PCGF3: variants seen among roughly 807,000 people sequenced by gnomAD.
The protein encoded by PCGF3 is polycomb group RING finger protein 3.
In PCGF3, 7 loss-of-function variants were observed where a neutral mutation model predicts 33.1. That is an observed-to-expected ratio of 0.21 (90% CI 0.12 to 0.40). PCGF3 has a LOEUF of 0.40. Among genes scored for constraint, PCGF3 ranks in the 10% least tolerant of loss-of-function variants. The pLI, the probability that PCGF3 is intolerant of heterozygous loss-of-function variation, is 1.00. For synonymous variants in PCGF3, 153 were observed against 121.3 expected (o/e 1.26, Z -1.72); for missense variants, 211 against 313.3 (o/e 0.67, Z 2.46).
At chr4:727,534 T>A (rs572177931) in intron 1 of PCGF3, among the ~76,000 whole-genome samples, 1 of 152,110 alleles carries the variant, frequency 6.6e-6, no homozygotes, top group African/African-American at 2.4e-5. Context: ...GCCACTATGC[T>A]TGGCTGAGTT....
exon 8 of PCGF3, chr4:744,616 CGACAGTTCAAACAAA>C: frequency 6.4e-7 from 1 of 1,558,462 alleles, no homozygotes; most frequent in African/African-American, 1.4e-5. Context: ...CCAAAGCAGA[CGACAGTTCAAACAAA>C]GAGGCCGCGG....
intron 9 of PCGF3, chr4:762,016 C>T (rs777885498): frequency 2.8e-5 from 28 of 985,160 alleles, no homozygotes; most frequent in South Asian, 1.4e-4. Flanking sequence ...GAGAGGCCAG[C>T]GCCAGGAGTT....
intron 1 of PCGF3, among the ~76,000 whole-genome samples, chr4:724,584 T>C (rs189835965): frequency 2.6e-5 from 4 of 152,324 alleles, no homozygotes; most frequent in African/African-American, 7.2e-5. Context: ...CCCAGCACTT[T>C]GGGAGGCCTA....
At chr4:743,823 T>TG (rs1209733873) in intron 7 of PCGF3, 5 of 420,236 alleles carry the variant, frequency 1.2e-5, no homozygotes, top group South Asian at 3.1e-5. Flanking sequence ...CGAGAGTGTC[T>TG]GGGGGGCAGA....
At chr4:733,497 G>A (rs1356453350) in intron 3 of PCGF3, among the ~76,000 whole-genome samples, 175 bp from the exon 4 acceptor site, 1 of 152,234 alleles carries the variant, frequency 6.6e-6, no homozygotes, top group Non-Finnish European at 1.5e-5. Flanking sequence ...GCAGACACTG[G>A]ATTGCTGACC....
chr4:717,536 C>T (rs978279868), intron 1 of PCGF3, among the ~76,000 whole-genome samples: 2 of 152,222 alleles, frequency 1.3e-5, no homozygotes, highest in Admixed American at 1.3e-4. Context: ...CTTCCCACCA[C>T]ACCCAGCTAA....
intron 9 of PCGF3, chr4:761,830 C>T: frequency 4.1e-6 from 4 of 985,382 alleles, no homozygotes; most frequent in Non-Finnish European, 4.8e-6. Context: ...AGCGGGCGCA[C>T]CATGAACATG....
exon 11 of PCGF3, chr4:769,333 G>A (rs1745519564): frequency 6.5e-6 from 1 of 152,680 alleles, no homozygotes; most frequent in African/African-American, 2.4e-5. Context: ...GGACGTTCTG[G>A]GTACAAGCCA....
At chr4:752,227 C>T (rs989042541) in intron 8 of PCGF3, among the ~76,000 whole-genome samples, 1 of 152,214 alleles carries the variant, frequency 6.6e-6, no homozygotes, top group Non-Finnish European at 1.5e-5. Context: ...GGTCCCTGGT[C>T]GTTCTTTCTC....
intron 8 of PCGF3, among the ~76,000 whole-genome samples, chr4:754,529 G>A (rs1744682242): frequency 6.6e-6 from 1 of 152,228 alleles, no homozygotes; most frequent in South Asian, 2.1e-4. Flanking sequence ...GCCTCTCCTG[G>A]ACTGTAGAGG....
chr4:709,657 A>G (rs1742481390), intron 1 of PCGF3, among the ~76,000 whole-genome samples: 1 of 152,270 alleles, frequency 6.6e-6, no homozygotes, highest in African/African-American at 2.4e-5. Context: ...CAGTACAATG[A>G]GGTGTAACCC....
chr4:758,506 G>C (rs1744884968), intron 8 of PCGF3, among the ~76,000 whole-genome samples: 1 of 124,960 alleles, frequency 8.0e-6, no homozygotes, highest in South Asian at 2.8e-4. Context: ...TCTCGCTCCG[G>C]ACTCTGGGTC....
intron 4 of PCGF3, 33 bp from the exon 5 acceptor site, chr4:734,898 C>A (rs372818520): frequency 5.6e-6 from 9 of 1,605,212 alleles, no homozygotes; most frequent in African/African-American, 2.7e-5. Flanking sequence ...TGGCTCTAGA[C>A]GCTCTCCTAA....
intron 4 of PCGF3, chr4:734,706 G>T: frequency 9.7e-6 from 13 of 1,341,672 alleles, no homozygotes; most frequent in Non-Finnish European, 1.2e-5. Flanking sequence ...TCCTAACCCT[G>T]CCTCTTTGAG....
At chr4:742,155 C>G (rs911544534) in intron 6 of PCGF3, among the ~76,000 whole-genome samples, 1 of 150,444 alleles carries the variant, frequency 6.6e-6, no homozygotes, top group Admixed American at 6.6e-5. Flanking sequence ...GTCCCCTCCT[C>G]TCTCTCTCCC....
intron 1 of PCGF3, among the ~76,000 whole-genome samples, chr4:708,278 C>G (rs1742421748): frequency 6.6e-6 from 1 of 152,142 alleles, no homozygotes; most frequent in Admixed American, 6.5e-5. Flanking sequence ...CTGATGAGAG[C>G]TGGAACTTCC....
At chr4:725,923 C>T (rs1171648403) in intron 1 of PCGF3, among the ~76,000 whole-genome samples, 1 of 152,184 alleles carries the variant, frequency 6.6e-6, no homozygotes, top group Non-Finnish European at 1.5e-5. Context: ...TTTCAGGAGC[C>T]CCAGGGCCAC....
intron 8 of PCGF3, among the ~76,000 whole-genome samples, chr4:753,515 G>A (rs568652879): frequency 2.0e-5 from 3 of 152,068 alleles, no homozygotes; most frequent in East Asian, 1.9e-4. Context: ...TTAGCTGGGC[G>A]TGGTCGTGGG....
At chr4:769,016 C>T (rs1479056434) in exon 11 of PCGF3, 1 of 152,604 alleles carries the variant, frequency 6.6e-6, no homozygotes, top group African/African-American at 2.4e-5. Context: ...TTTGGTTTTT[C>T]GTTTTTCATT....
Sources: allele counts gnomAD v4.1 joint callset (sites outside exome capture counted in the v4.1 genomes callset), GRCh38; gene constraint gnomAD v4.1.1; transcripts MANE v1.5; gene names NCBI Gene and HGNC (gene_info 2026-07-23, HGNC 2026-07-21).